Variants in ARHGEF4 observed in about 807,000 individuals in gnomAD.
The protein encoded by ARHGEF4 is Rho guanine nucleotide exchange factor 4, also known as APC-stimulated guanine nucleotide exchange factor 1.
ARHGEF4 carries 119 observed loss-of-function variants against 162.0 expected under a neutral mutation model. The ratio of observed to expected loss-of-function variants is 0.73; its 90% CI spans 0.63 to 0.86. The LOEUF (loss-of-function observed/expected upper bound fraction) is 0.86. ARHGEF4 is among the 40% of genes least tolerant of loss of function. The pLI, the probability that ARHGEF4 is intolerant of heterozygous loss-of-function variation, is 0.00. For missense variants in ARHGEF4, 2,488 were observed against 2,456.0 expected (o/e 1.01, Z -0.28); for synonymous variants, 1,014 against 979.9 (o/e 1.03, Z -0.65).
intron 4 of ARHGEF4, among the ~76,000 whole-genome samples, chr2:130,999,349 G>A (rs1573571227): frequency 6.6e-6 from 1 of 151,816 alleles, no homozygotes; most frequent in Non-Finnish European, 1.5e-5. Context: ...GTAGAGACGG[G>A]GTTTTACCAT....
intron 1 of ARHGEF4, among the ~76,000 whole-genome samples, chr2:130,880,993 G>T (rs150920596): frequency 0.017 from 2,619 of 152,258 alleles, 73 homozygotes; most frequent in African/African-American, 0.06. Flanking sequence ...CCTTCTTTGA[G>T]AGATGGATTC....
At chr2:130,991,562 C>T (rs148367513) in intron 4 of ARHGEF4, among the ~76,000 whole-genome samples, 19,235 of 152,278 alleles carry the variant, frequency 0.13, 1,493 homozygotes, top group South Asian at 0.28. Context: ...CCTGCCGGCC[C>T]CGGGCAATGA....
At chr2:130,995,162 T>C (rs1033767429) in intron 4 of ARHGEF4, among the ~76,000 whole-genome samples, 2 of 152,254 alleles carry the variant, frequency 1.3e-5, no homozygotes, top group Non-Finnish European at 2.9e-5. Context: ...TGTAATTACA[T>C]GGAAACTTCC....
chr2:130,999,921 A>G (rs1687659831), intron 4 of ARHGEF4, among the ~76,000 whole-genome samples: 1 of 152,210 alleles, frequency 6.6e-6, no homozygotes, highest in Admixed American at 6.5e-5. Context: ...CATGTTGGCC[A>G]GGCTGGTCTT....
At chr2:130,994,383 G>A (rs1159430321) in intron 4 of ARHGEF4, among the ~76,000 whole-genome samples, 1 of 151,768 alleles carries the variant, frequency 6.6e-6, no homozygotes. Context: ...TATTATTTTA[G>A]TGTTTATCTT....
rs993102697 is a variant in ARHGEF4, at chr2:130,836,914, G to C, written c.-40G>C. 18 of 1,220,042 alleles carry C rather than the reference G, an allele frequency of 1.5e-5. No homozygotes were observed. The Middle Eastern group carries it at 1.6e-3, about 107-fold the overall frequency. The allele number at this position is 1,220,042 out of a possible 1,614,324, so 75.6% of individuals were successfully genotyped here. ...TGGAGCCGGCTCGGCGGCGCGGCTC[G>C]TAGTGCTGCGGCCGGGCTCCGGGCG... is the stretch of plus-strand genomic sequence containing the variant. On this transcript the variant is annotated 5_prime_UTR_variant, in exon 1 of 14. Transcript: ENST00000409359.
chr2:130,949,502 C>T (rs980839351), intron 4 of ARHGEF4, among the ~76,000 whole-genome samples: 4 of 151,794 alleles, frequency 2.6e-5, no homozygotes, highest in East Asian at 3.9e-4. Flanking sequence ...TACAGGGGCC[C>T]GCCACCACGC....
At chr2:130,982,202 T>C (rs1364218305) in intron 4 of ARHGEF4, among the ~76,000 whole-genome samples, 3 of 152,118 alleles carry the variant, frequency 2.0e-5, no homozygotes, top group Admixed American at 1.3e-4. Flanking sequence ...TTTCACCATG[T>C]TGGCCAGGCT....
chr2:130,916,102 C>T lies in ARHGEF4; in HGVS notation c.2156C>T (p.Pro719Leu). The change falls in exon 2 of 14, where the codon CCC (proline) becomes CTC (leucine). Residue 719 changes from proline (P) to leucine (L), a missense_variant. Pro to Leu is a moderately conservative substitution (Grantham distance 98, BLOSUM62 -3). Coordinates refer to ENST00000409359, the MANE Select transcript of ARHGEF4 (RefSeq NM_001367493.1). ...GCAGAGCTTGGGAGAGTGCTGGTCC[C>T]CCAAGCTGCTTCGGAAGAGACGCCG... ...QAAELGRVLV[P>L]QAASEETPST... is the part of the protein sequence containing the mutation. The T allele has an allele frequency of 6.5e-7, 1 of 1,550,066 alleles. No homozygotes were observed. Among genetic ancestry groups the T allele is most frequent in the African/African-American group, 1.4e-5 (1 of 73,158 alleles).
intron 4 of ARHGEF4, among the ~76,000 whole-genome samples, chr2:131,015,851 T>C (rs1225286211): frequency 1.3e-5 from 2 of 152,222 alleles, no homozygotes; most frequent in Non-Finnish European, 2.9e-5. Context: ...ATCTGTAGAA[T>C]GGACACATCA....
chr2:130,983,214 A>G (rs1186673726), intron 4 of ARHGEF4, among the ~76,000 whole-genome samples: 2 of 152,234 alleles, frequency 1.3e-5, no homozygotes, highest in Non-Finnish European at 2.9e-5. Context: ...ATTAAACACC[A>G]TCATTTAAAG....
chr2:130,983,068 C>T (rs892322812), intron 4 of ARHGEF4, among the ~76,000 whole-genome samples: 1 of 152,140 alleles, frequency 6.6e-6, no homozygotes, highest in Admixed American at 6.5e-5. Context: ...TGGAAGCAAC[C>T]TGCATATCTA....
rs187262455 is a variant in ARHGEF4 at position 131,003,432 on chromosome 2, C to A, written c.3986-24513C>A. ...CATCTCTCGTCATTTCTGCAGTATT[C>A]CCTGAAGCTTCTTTAAGCAGAGTTC... On this transcript the variant is annotated intron_variant, in intron 4 of 13. Coordinates refer to ENST00000409359, the MANE Select transcript of ARHGEF4 (RefSeq NM_001367493.1). Among the ~76,000 whole-genome samples, 157 of 152,302 alleles carry A rather than the reference C, an allele frequency of 1.0e-3. 1 individual carries two copies. The highest frequency in any genetic ancestry group is 3.5e-3 in the African/African-American group (146 of 41,568).
At chr2:131,007,675 T>C (rs1004192142) in intron 4 of ARHGEF4, among the ~76,000 whole-genome samples, 1 of 152,064 alleles carries the variant, frequency 6.6e-6, no homozygotes, top group African/African-American at 2.4e-5. Flanking sequence ...GTTTGTCTTT[T>C]TATTATTTTT....
chr2:130,966,220 A>G (rs1395322614), intron 4 of ARHGEF4, among the ~76,000 whole-genome samples: 2 of 152,190 alleles, frequency 1.3e-5, no homozygotes, highest in African/African-American at 4.8e-5. Context: ...GCAGTGACCA[A>G]TGCTCGATGT....
At position 130,999,069 on chromosome 2, in the gene ARHGEF4, G is replaced by A. The variant is rs546219734; in HGVS notation, c.3986-28876G>A. Among the ~76,000 whole-genome samples the A allele has an allele frequency of 2.6e-5, 4 of 151,576 alleles. No homozygotes were observed. The South Asian group carries it at 8.3e-4, about 32-fold the overall frequency. The stretch of plus-strand genomic sequence containing the variant: ...CTTCCAATTCCCTAATGACATACCT[G>A]TATATCTTCTTTGGTGAGATGTTTG... On this transcript the variant is annotated intron_variant, in intron 4 of 13. Transcript: ENST00000409359.
intron 4 of ARHGEF4, among the ~76,000 whole-genome samples, chr2:131,017,803 A>G (rs761913320): frequency 1.1e-4 from 17 of 152,196 alleles, no homozygotes; most frequent in Non-Finnish European, 1.6e-4. Flanking sequence ...GGATCTAAAT[A>G]TGGAGAGAGA....
chr2:130,977,703 T>G lies in ARHGEF4; in HGVS notation c.3985+31068T>G, dbSNP rs112638118. Among the ~76,000 whole-genome samples the G allele has an allele frequency of 1.9e-3, 282 of 151,682 alleles. 2 individuals carry two copies. The highest frequency in any genetic ancestry group is 6.0e-3 in the African/African-American group (250 of 41,330). ...GCGCTGTGTGCATTGTGCAAACGTG[T>G]TTTTTTTGCATCTTGTGCGTGTGTG... On this transcript the variant is annotated intron_variant, in intron 4 of 13. Transcript: ENST00000409359.
Position 130,915,797 on chromosome 2 carries a change from G to C in ARHGEF4, c.1851G>C (p.Glu617Asp), listed in dbSNP as rs1374310643. Residue 617 changes from glutamate to aspartate, a missense_variant, in exon 2 of 14, where the codon GAG becomes GAC. Glu to Asp is a conservative substitution (Grantham distance 45). Transcript: ENST00000409359. ...GPGGAGGRQL[E>D]PKAGGEASRG... The stretch of plus-strand genomic sequence containing the variant: ...GGGGTGCCGGGGGCCGGCAGCTGGA[G>C]CCCAAAGCAGGCGGCGAGGCCTCGA... 6.6e-6 allele frequency: 10 copies of C among 1,525,558 alleles called. No individual in the cohort carries two copies. The highest frequency in any genetic ancestry group is 7.9e-6 in the Non-Finnish European group (9 of 1,135,142). The allele number at this position is 1,525,558 out of a possible 1,614,324, so 94.5% of individuals were successfully genotyped here.
Sources: allele counts gnomAD v4.1 joint callset (sites outside exome capture counted in the v4.1 genomes callset), GRCh38; gene constraint gnomAD v4.1.1; transcripts MANE v1.5; gene names NCBI Gene and HGNC (gene_info 2026-07-23, HGNC 2026-07-21).